Variants in SGO1 observed in about 807,000 individuals in gnomAD.
SGO1 encodes serologically defined breast cancer antigen NY-BR-85.
A neutral mutation model predicts 50.5 loss-of-function variants in SGO1; 39 were observed. That is an observed-to-expected ratio of 0.77 (90% CI 0.60 to 1.01). The LOEUF (loss-of-function observed/expected upper bound fraction) is 1.01, where lower values mean the gene tolerates loss of function less well. Among genes scored for constraint, SGO1 ranks in the 50% least tolerant of loss-of-function variants. SGO1 has a pLI of 0.00. For synonymous variants in SGO1, 191 were observed against 205.1 expected, an observed-to-expected ratio of 0.93 and a Z score of 0.59; for missense variants, 638 against 606.0, an observed-to-expected ratio of 1.05 and a Z score of -0.55.
downstream of SGO1, among the ~76,000 whole-genome samples, chr3:20,167,635 CT>C (rs1371462461): frequency 6.6e-6 from 1 of 152,124 alleles, no homozygotes; most frequent in South Asian, 2.1e-4. Context: ...TACTTCCTGG[CT>C]TGGCTAATTT....
At chr3:20,178,150 T>C in intron 4 of SGO1, 121 bp downstream of exon 4, 2 of 701,612 alleles carry the variant, frequency 2.9e-6, no homozygotes, top group South Asian at 3.7e-5. Context: ...ATATTCTCAG[T>C]AGAGAAAGCA....
At chr3:20,171,509 T>C (rs1446219081) in intron 6 of SGO1, among the ~76,000 whole-genome samples, 1 of 152,162 alleles carries the variant, frequency 6.6e-6, no homozygotes, top group Admixed American at 6.5e-5. Context: ...CAGCCAATAA[T>C]AAATTCTTTT....
At position 20,175,048 on chromosome 3, in the gene SGO1, T is replaced by C. The variant is rs772606271; in HGVS notation, c.483A>G (p.Ile161Met). The change falls in exon 6 of 8, where the codon ATA becomes ATG. Residue 161 changes from isoleucine (I) to methionine (M), a missense_variant. Physicochemically the swap from Ile to Met is conservative, Grantham distance 10. Coordinates refer to ENST00000412997, the MANE Select transcript of SGO1 (RefSeq NM_001199251.3). Reference protein sequence around the residue: ...QGESFQIEDQIPTIPQDTLGV... With the variant: ...QGESFQIEDQMPTIPQDTLGV... ...CCAGTGTGTCTTGAGGAATAGTAGG[T>C]ATCTGATCTGAGAATTTAAAAAATA... The C allele has an allele frequency of 6.7e-7, 1 of 1,481,950 alleles. No homozygotes were observed. Among genetic ancestry groups the C allele is most frequent in the East Asian group, 2.4e-5 (1 of 42,024 alleles). The allele number at this position is 1,481,950 out of a possible 1,614,324, so 91.8% of individuals were successfully genotyped here.
Position 20,169,498 on chromosome 3 carries a change from T to G in SGO1, c.*1206A>C. 1.0e-6 allele frequency: 1 copy of G among 979,640 alleles called. No homozygotes were observed. Among genetic ancestry groups the G allele is most frequent in the Non-Finnish European group, 1.2e-6 (1 of 824,626 alleles). The allele number at this position is 979,640 out of a possible 1,614,324, so 60.7% of individuals were successfully genotyped here. A position where few individuals can be genotyped will look rare whatever the true frequency, so the allele number is the denominator to read the frequency against. On this transcript the variant is annotated 3_prime_UTR_variant, in exon 8 of 8. Transcript: ENST00000412997. ...AAAGCAATCACTATCTTATACAAAC[T>G]TTATTGCTCTTTAAAAATGAATAAC...
At chr3:20,169,040 A>T (rs1205409387), downstream of SGO1, 2 of 985,110 alleles carry the variant, frequency 2.0e-6, no homozygotes, top group Non-Finnish European at 2.4e-6. Flanking sequence ...AAGAAAAAAA[A>T]AACTTAAAAA....
upstream of SGO1, chr3:20,186,535 A>C (rs1280301502): frequency 2.0e-5 from 3 of 152,214 alleles, no homozygotes; most frequent in Non-Finnish European, 2.9e-5. Context: ...GTTGTGCTCA[A>C]AGCCTCCCTC....
At chr3:20,167,690 T>C (rs1700373843), downstream of SGO1, among the ~76,000 whole-genome samples, 1 of 152,222 alleles carries the variant, frequency 6.6e-6, no homozygotes, top group African/African-American at 2.4e-5. Flanking sequence ...GTGGTGCTAC[T>C]GGAACTTAGA....
chr3:20,186,617 G>C (rs1424284514), upstream of SGO1: 1 of 152,204 alleles, frequency 6.6e-6, no homozygotes, highest in Non-Finnish European at 1.5e-5. Flanking sequence ...AGCTTTTAGA[G>C]GAATTAAAAC....
At position 20,169,700 on chromosome 3, in the gene SGO1, G is replaced by C. The variant is rs1700525692; in HGVS notation, c.*1004C>G. On this transcript the variant is annotated 3_prime_UTR_variant, in exon 8 of 8. Coordinates refer to ENST00000412997, the MANE Select transcript of SGO1 (RefSeq NM_001199251.3). Reference sequence around the variant, plus strand: ...GCTACCCTGAAAGTACATGACATTTGTAATTTTATGGAGACATCACTCTGA... The same window carrying C: ...GCTACCCTGAAAGTACATGACATTTCTAATTTTATGGAGACATCACTCTGA... 19 of 908,010 alleles carry C rather than the reference G, an allele frequency of 2.1e-5. No individual in the cohort carries two copies. The highest frequency in any genetic ancestry group is 2.4e-5 in the Non-Finnish European group (18 of 759,700). The allele number at this position is 908,010 out of a possible 1,614,324, so 56.2% of individuals were successfully genotyped here.
chr3:20,174,633 T>C lies in SGO1; in HGVS notation c.898A>G (p.Arg300Gly). 6.2e-7 allele frequency: 1 copy of C among 1,602,166 alleles called. No homozygotes were observed. Among genetic ancestry groups the C allele is most frequent in the Non-Finnish European group, 8.5e-7 (1 of 1,175,042 alleles). ...RKREEKRKAN[R>G]RKSKRMSKYK... ...TTTGACATACGTTTTGATTTTCTCC[T>C]GTTAGCTTTTCTTTTCTCTTCTCTT... The change falls in exon 6 of 8, where the codon AGG (arginine) becomes GGG (glycine). Residue 300 changes from arginine to glycine, a missense_variant. By Grantham distance (125) the Arg-to-Gly change is moderately radical. Coordinates refer to ENST00000412997, the MANE Select transcript of SGO1 (RefSeq NM_001199251.3).
chr3:20,183,475 A>C (rs1189208297), intron 3 of SGO1, 133 bp downstream of exon 3: 5 of 736,340 alleles, frequency 6.8e-6, no homozygotes, highest in Non-Finnish European at 1.1e-5. Flanking sequence ...ATGCTGGAGC[A>C]CTAAAGAAGG....
intron 4 of SGO1, among the ~76,000 whole-genome samples, chr3:20,177,999 G>A (rs1701593243): frequency 6.6e-6 from 1 of 152,206 alleles, no homozygotes; most frequent in Admixed American, 6.5e-5. Context: ...AAGTATGACT[G>A]AAGGAAAGTA....
chr3:20,172,007 G>T (rs886942506), intron 6 of SGO1, among the ~76,000 whole-genome samples: 8 of 152,226 alleles, frequency 5.3e-5, no homozygotes, highest in African/African-American at 1.4e-4. Flanking sequence ...ACTGTGAAAT[G>T]ATTGTATACT....
Position 20,169,527 on chromosome 3 carries a change from C to T in SGO1, c.*1177G>A, listed in dbSNP as rs546066020. On this transcript the variant is annotated 3_prime_UTR_variant, in exon 8 of 8. Transcript: ENST00000412997. Reference sequence around the variant, plus strand: ...TTGCTCTTTAAAAATGAATAACCTACAAAGTTCTAAAATTTAAAGAGGTAT... The same window carrying T: ...TTGCTCTTTAAAAATGAATAACCTATAAAGTTCTAAAATTTAAAGAGGTAT... 187 of 981,962 alleles carry T rather than the reference C, an allele frequency of 1.9e-4. No individual in the cohort carries two copies. The African/African-American group carries it at 3.0e-3, about 16-fold the overall frequency. The allele number at this position is 981,962 out of a possible 1,614,324, so 60.8% of individuals were successfully genotyped here. A position where few individuals can be genotyped will look rare whatever the true frequency, so the allele number is the denominator to read the frequency against.
chr3:20,162,829 A>C (rs912730429), intron 8 of SGO1, among the ~76,000 whole-genome samples: 1 of 151,834 alleles, frequency 6.6e-6, no homozygotes, highest in African/African-American at 2.4e-5. Flanking sequence ...TCATGACAGA[A>C]AAAATACACT....
chr3:20,169,032 GAAA>G (rs944593595), downstream of SGO1: 1 of 771,678 alleles, frequency 1.3e-6, no homozygotes, highest in African/African-American at 1.9e-5. Context: ...GGAGTAGTAA[GAAA>G]AAAAAAACTT....
downstream of SGO1, among the ~76,000 whole-genome samples, chr3:20,165,273 C>G (rs539344738): frequency 4.5e-4 from 68 of 152,210 alleles, 1 homozygote; most frequent in Admixed American, 9.1e-4. Context: ...TGAGTGAGAG[C>G]TTACTTATCC....
rs1472917008 is a variant in SGO1 at position 20,183,595 on chromosome 3, G to A, written c.339+13C>T. ...AACTAAACTAAGAAATTCGGCCTTA[G>A]TAATGAAAATACCTGAGCAGGTTCT... On this transcript the variant is annotated intron_variant, in intron 3 of 7. Coordinates refer to ENST00000412997, the MANE Select transcript of SGO1 (RefSeq NM_001199251.3). The A allele has an allele frequency of 6.4e-7, 1 of 1,555,568 alleles. No homozygotes were observed. Among genetic ancestry groups the A allele is most frequent in the Non-Finnish European group, 8.6e-7 (1 of 1,156,704 alleles).
chr3:20,161,645 A>G (rs1354952871), intron 8 of SGO1, among the ~76,000 whole-genome samples: 1 of 152,212 alleles, frequency 6.6e-6, no homozygotes, highest in Non-Finnish European at 1.5e-5. Context: ...AACAAGATCT[A>G]GCACAGTTGT....
Sources: allele counts gnomAD v4.1 joint callset (sites outside exome capture counted in the v4.1 genomes callset), GRCh38; gene constraint gnomAD v4.1.1; transcripts MANE v1.5; gene names NCBI Gene and HGNC (gene_info 2026-07-23, HGNC 2026-07-21).